The following DGKB variants were observed in gnomAD, a reference collection of about 807,000 sequenced individuals.
The protein encoded by DGKB is 90 kDa diacylglycerol kinase.
A neutral mutation model predicts 114.3 loss-of-function variants in DGKB; 67 were observed. The ratio of observed to expected loss-of-function variants is 0.59; its 90% CI spans 0.48 to 0.72. DGKB has a LOEUF of 0.72. Ranked by LOEUF, DGKB falls within the 30% of genes least tolerant of loss-of-function variation. The probability of loss-of-function intolerance (pLI) is 0.00; values close to 1 mark genes in which losing one functional copy is unlikely to be tolerated. For synonymous variants in DGKB, 398 were observed against 323.1 expected, an observed-to-expected ratio of 1.23 and a Z score of -2.49; for missense variants, 907 against 975.2, an observed-to-expected ratio of 0.93 and a Z score of 0.93.
intron 20 of DGKB, among the ~76,000 whole-genome samples, chr7:14,502,709 A>G (rs938304381): frequency 2.0e-5 from 3 of 152,094 alleles, no homozygotes; most frequent in Non-Finnish European, 4.4e-5. Context: ...ATTATACATA[A>G]AGTATCTATA....
At position 14,806,684 on chromosome 7, in the gene DGKB, T is replaced by TA. The variant is rs548888984; in HGVS notation, c.70+34509_70+34510insT. ...AGTACCTTGTAACAGTCACATCTTC[T>TA]TTTTCTAGACAATGAATATCTGTTA... On this transcript the variant is annotated intron_variant, in intron 2 of 25. Coordinates refer to ENST00000402815, the MANE Select transcript of DGKB (RefSeq NM_001350709.2). 1.5e-3 allele frequency among the ~76,000 whole-genome samples: 229 copies of TA among 152,198 alleles called. 1 individual carries two copies. The Middle Eastern group carries it at 0.02, about 14-fold the overall frequency.
chr7:14,479,404 A>G lies in DGKB; in HGVS notation c.1771-1179T>C, dbSNP rs1328949074. Reference sequence around the variant, plus strand: ...CAGCTAACTGTAATTTTTTTTCTGTATAAACATTTGATACCCTAAAATTTG... The same window carrying G: ...CAGCTAACTGTAATTTTTTTTCTGTGTAAACATTTGATACCCTAAAATTTG... On this transcript the variant is annotated intron_variant, in intron 20 of 25. Coordinates refer to ENST00000402815, the MANE Select transcript of DGKB (RefSeq NM_001350709.2). 1.3e-5 allele frequency among the ~76,000 whole-genome samples: 2 copies of G among 152,126 alleles called. 1 individual carries two copies. The highest frequency in any genetic ancestry group is 3.8e-4 in the East Asian group (2 of 5,196).
intron 23 of DGKB, among the ~76,000 whole-genome samples, chr7:14,207,452 G>A (rs1309505832): frequency 6.6e-6 from 1 of 151,936 alleles, no homozygotes; most frequent in Non-Finnish European, 1.5e-5. Flanking sequence ...AAGTCCTAGG[G>A]GTAGCATCCT....
chr7:14,689,469 C>T lies in DGKB; in HGVS notation c.712-4107G>A, dbSNP rs977644262. On this transcript the variant is annotated intron_variant, in intron 9 of 25. Transcript: ENST00000402815. ...TACAGGCGTGAGCCACCGCGCCCGG[C>T]CGAAACTTCTCTTTTAGACAAAAAG... Among the ~76,000 whole-genome samples, 4 of 152,196 alleles carry T rather than the reference C, an allele frequency of 2.6e-5. No individual in the cohort carries two copies. The East Asian group carries it at 7.7e-4, about 29-fold the overall frequency.
intron 18 of DGKB, 98 bp downstream of exon 18, chr7:14,582,954 C>T (rs1441172502): frequency 1.2e-6 from 1 of 826,078 alleles, no homozygotes; most frequent in South Asian, 1.4e-5. Flanking sequence ...TATATCACTG[C>T]TTCCAAAGAT....
chr7:14,348,599 A>G (rs967760670), intron 21 of DGKB, among the ~76,000 whole-genome samples: 5 of 151,978 alleles, frequency 3.3e-5, no homozygotes, highest in Non-Finnish European at 1.5e-5. Flanking sequence ...ACTAAAATTA[A>G]AAAAAGTAAA....
At chr7:14,750,557 T>G (rs1026252908) in intron 4 of DGKB, among the ~76,000 whole-genome samples, 3 of 152,216 alleles carry the variant, frequency 2.0e-5, no homozygotes, top group African/African-American at 7.2e-5. Context: ...ATTGGACTGC[T>G]TCCATAACTC....
chr7:14,567,240 T>C (rs1477829711), intron 20 of DGKB, among the ~76,000 whole-genome samples: 1 of 60,090 alleles, frequency 1.7e-5, no homozygotes, highest in Non-Finnish European at 2.8e-5. Context: ...ATAATTATAT[T>C]ATATATATTA....
chr7:14,428,477 A>G (rs1827921104), intron 21 of DGKB, among the ~76,000 whole-genome samples: 1 of 152,162 alleles, frequency 6.6e-6, no homozygotes, highest in South Asian at 2.1e-4. Context: ...ATAAAATAAA[A>G]CAGTGTGATT....
At chr7:14,266,184 T>G (rs2128422015) in intron 23 of DGKB, among the ~76,000 whole-genome samples, 1 of 152,338 alleles carries the variant, frequency 6.6e-6, no homozygotes, top group East Asian at 1.9e-4. Flanking sequence ...AATACTGTTT[T>G]TAGTTTGTAT....
chr7:14,238,993 C>T (rs1475268508), intron 23 of DGKB, among the ~76,000 whole-genome samples: 1 of 151,996 alleles, frequency 6.6e-6, no homozygotes, highest in Non-Finnish European at 1.5e-5. Context: ...AGCAATGGAG[C>T]ATTTTCCAAG....
chr7:14,177,506 A>G (rs13245489), intron 24 of DGKB, among the ~76,000 whole-genome samples: 40,540 of 143,858 alleles, frequency 0.28, 7,047 homozygotes, highest in African/African-American at 0.5. Context: ...GTGAGCCAAG[A>G]TCGTGCCACT....
intron 20 of DGKB, 31 bp from the exon 21 acceptor site, chr7:14,478,256 G>C: frequency 7.6e-7 from 1 of 1,307,304 alleles, no homozygotes; most frequent in Non-Finnish European, 1.1e-6. Flanking sequence ...ACAAAAACAG[G>C]ATGGTTTATG....
intron 2 of DGKB, among the ~76,000 whole-genome samples, chr7:14,767,142 A>T (rs11977145): frequency 0.074 from 11,206 of 151,626 alleles, 1,198 homozygotes; most frequent in African/African-American, 0.25. Context: ...AAATTTTTTT[A>T]AAAAAAGAGA....
intron 2 of DGKB, among the ~76,000 whole-genome samples, chr7:14,813,583 C>T (rs2128085896): frequency 6.6e-6 from 1 of 152,194 alleles, no homozygotes; most frequent in Admixed American, 6.6e-5. Context: ...CTCTTGTAGA[C>T]TGTATATAGC....
At chr7:14,631,324 C>T (rs1329168138) in intron 13 of DGKB, among the ~76,000 whole-genome samples, 1 of 151,156 alleles carries the variant, frequency 6.6e-6, no homozygotes, top group Non-Finnish European at 1.5e-5. Context: ...ACCTGACACC[C>T]TCACAGCTGT....
At chr7:14,224,753 A>G (rs758619277) in intron 23 of DGKB, among the ~76,000 whole-genome samples, 47 of 152,130 alleles carry the variant, frequency 3.1e-4, no homozygotes, top group Middle Eastern at 3.4e-3. Flanking sequence ...AATGCTCCTA[A>G]GGGAATACAA....
intron 2 of DGKB, among the ~76,000 whole-genome samples, chr7:14,801,947 C>T (rs904221595): frequency 1.3e-4 from 19 of 151,120 alleles, no homozygotes; most frequent in African/African-American, 4.6e-4. Flanking sequence ...CACACACACA[C>T]GCACACACAT....
At chr7:14,645,764 G>A (rs1216451726) in intron 13 of DGKB, among the ~76,000 whole-genome samples, 1 of 151,602 alleles carries the variant, frequency 6.6e-6, no homozygotes, top group Non-Finnish European at 1.5e-5. Flanking sequence ...GAAATAAAGA[G>A]TAAAGTTTTC....
Sources: allele counts gnomAD v4.1 joint callset (sites outside exome capture counted in the v4.1 genomes callset), GRCh38; gene constraint gnomAD v4.1.1; transcripts MANE v1.5; gene names NCBI Gene and HGNC (gene_info 2026-07-23, HGNC 2026-07-21).